FHIT: variants seen among roughly 807,000 people sequenced by gnomAD.
FHIT encodes fragile histidine triad diadenosine triphosphatase.
In FHIT, 19 loss-of-function variants were observed where a neutral mutation model predicts 17.9. That is an observed-to-expected ratio of 1.06 (90% confidence interval 0.74 to 1.56). FHIT has a LOEUF of 1.56. Ranked by LOEUF, FHIT falls within the 40% of genes most tolerant of loss-of-function variation. FHIT has a pLI of 0.00. For missense variants in FHIT, 248 were observed against 189.2 expected, an observed-to-expected ratio of 1.31 and a Z score of -1.82; for synonymous variants, 81 against 69.7, an observed-to-expected ratio of 1.16 and a Z score of -0.81.
chr3:60,165,899 G>A (rs947678480), intron 5 of FHIT, among the ~76,000 whole-genome samples: 7 of 152,086 alleles, frequency 4.6e-5, no homozygotes, highest in Non-Finnish European at 7.4e-5. Context: ...AAATAGGATC[G>A]TGATACCTTA....
At chr3:60,058,253 T>C (rs1702164645) in intron 5 of FHIT, among the ~76,000 whole-genome samples, 1 of 144,650 alleles carries the variant, frequency 6.9e-6, no homozygotes, top group Non-Finnish European at 1.5e-5. Context: ...CAAGCAATTC[T>C]CCTGCCTCAG....
At chr3:59,908,707 T>C (rs1185429404) in intron 8 of FHIT, among the ~76,000 whole-genome samples, 1 of 151,960 alleles carries the variant, frequency 6.6e-6, no homozygotes, top group Non-Finnish European at 1.5e-5. Context: ...TAAGCCAGAA[T>C]ATGACTGAAT....
chr3:60,441,020 G>C (rs192200407), intron 5 of FHIT, among the ~76,000 whole-genome samples: 1 of 152,192 alleles, frequency 6.6e-6, no homozygotes, highest in Admixed American at 6.5e-5. Context: ...TCCTTTCTTG[G>C]AAATCAGCAT....
At chr3:60,136,633 G>A (rs1391046660) in intron 5 of FHIT, among the ~76,000 whole-genome samples, 1 of 145,246 alleles carries the variant, frequency 6.9e-6, no homozygotes, top group Non-Finnish European at 1.5e-5. Flanking sequence ...AGTGAGTTCA[G>A]GAATGATGCT....
intron 5 of FHIT, among the ~76,000 whole-genome samples, chr3:60,142,688 T>A (rs528594912): frequency 1.6e-4 from 22 of 139,718 alleles, no homozygotes; most frequent in African/African-American, 5.5e-4. Flanking sequence ...GTTTCTTTTT[T>A]TTTTTCTTTT....
At chr3:60,072,654 C>G (rs1356816676) in intron 5 of FHIT, among the ~76,000 whole-genome samples, 3 of 152,146 alleles carry the variant, frequency 2.0e-5, no homozygotes, top group African/African-American at 7.2e-5. Context: ...CCCAGCATCA[C>G]TGAGCTGGTA....
At chr3:59,999,077 A>G (rs1302299976) in intron 7 of FHIT, among the ~76,000 whole-genome samples, 2 of 152,100 alleles carry the variant, frequency 1.3e-5, no homozygotes, top group African/African-American at 2.4e-5. Context: ...ATCTTACAAC[A>G]ATCAATAATA....
intron 4 of FHIT, among the ~76,000 whole-genome samples, chr3:60,669,395 T>C (rs2040459864): frequency 6.6e-6 from 1 of 152,232 alleles, no homozygotes; most frequent in Non-Finnish European, 1.5e-5. Flanking sequence ...ATCATTTTTC[T>C]GCTTTCAGCA....
In FHIT at chr3:60,542,824, C is replaced by G. The variant is rs191690289; in HGVS notation, c.-17-5845G>C. ...CAAATCTCTCCGAACAAATCCCTCT[C>G]TACCATAAGTTTGCAAATATATATA... is the stretch of plus-strand genomic sequence containing the variant. On this transcript the variant is annotated intron_variant, in intron 4 of 9. Transcript: ENST00000492590. Among the ~76,000 whole-genome samples, 527 of 152,312 alleles carry G rather than the reference C, an allele frequency of 3.5e-3. 9 individuals are homozygous for G. The highest frequency in any genetic ancestry group is 2.2e-3 in the Non-Finnish European group (148 of 68,028).
chr3:59,811,068 A>G (rs901538848), intron 8 of FHIT, among the ~76,000 whole-genome samples: 1 of 152,258 alleles, frequency 6.6e-6, no homozygotes, highest in Non-Finnish European at 1.5e-5. Flanking sequence ...CTGGGTTTCC[A>G]ATAACTGACC....
intron 3 of FHIT, among the ~76,000 whole-genome samples, chr3:60,977,592 C>T (rs1710316957): frequency 6.6e-6 from 1 of 152,116 alleles, no homozygotes; most frequent in East Asian, 1.9e-4. Flanking sequence ...ATCATTGTGG[C>T]TGGGTGCGGT....
At chr3:60,013,347 T>C (rs1700212722) in intron 6 of FHIT, among the ~76,000 whole-genome samples, 1 of 152,204 alleles carries the variant, frequency 6.6e-6, no homozygotes, top group African/African-American at 2.4e-5. Context: ...ACTTTATACA[T>C]TGATACCCCA....
At chr3:60,046,707 T>A (rs182649264) in intron 5 of FHIT, among the ~76,000 whole-genome samples, 2 of 152,350 alleles carry the variant, frequency 1.3e-5, no homozygotes, top group African/African-American at 4.8e-5. Context: ...CAGTAATGTT[T>A]ACAGATAGTA....
At chr3:61,246,488 G>A (rs756635632) in intron 1 of FHIT, among the ~76,000 whole-genome samples, 4 of 152,036 alleles carry the variant, frequency 2.6e-5, no homozygotes, top group Non-Finnish European at 5.9e-5. Flanking sequence ...CCCATTTAAG[G>A]CCATTAAACA....
chr3:61,124,662 A>C (rs1236349859), intron 2 of FHIT, among the ~76,000 whole-genome samples: 2 of 152,162 alleles, frequency 1.3e-5, no homozygotes, highest in Non-Finnish European at 2.9e-5. Flanking sequence ...CTTTCGCGAT[A>C]TATATGGTTG....
intron 5 of FHIT, among the ~76,000 whole-genome samples, chr3:60,311,145 TTAG>T (rs1464527737): frequency 6.6e-6 from 1 of 152,176 alleles, no homozygotes; most frequent in African/African-American, 2.4e-5. Context: ...AGGATCTTAT[TTAG>T]TGTTCCTAAC....
intron 5 of FHIT, among the ~76,000 whole-genome samples, chr3:60,207,052 A>G (rs1429578505): frequency 6.6e-6 from 1 of 152,156 alleles, no homozygotes; most frequent in Non-Finnish European, 1.5e-5. Flanking sequence ...GATATGGGAT[A>G]AAGGAAAAAC....
chr3:60,034,558 C>T (rs1013539240), intron 5 of FHIT, among the ~76,000 whole-genome samples: 5 of 152,166 alleles, frequency 3.3e-5, no homozygotes, highest in African/African-American at 1.2e-4. Flanking sequence ...TCTTCGTCAA[C>T]ATGTTTCAGA....
chr3:60,488,216 T>C (rs1355025428), intron 5 of FHIT, among the ~76,000 whole-genome samples: 1 of 152,208 alleles, frequency 6.6e-6, no homozygotes, highest in Non-Finnish European at 1.5e-5. Flanking sequence ...GTGATTGAGC[T>C]AAAAGATTAT....
Sources: gnomAD v4.1 joint callset for allele counts (sites outside exome capture counted in the v4.1 genomes callset) on GRCh38, gnomAD v4.1.1 for gene constraint, MANE v1.5 for transcripts, NCBI Gene and HGNC (gene_info 2026-07-23, HGNC 2026-07-21) for gene names.